The following GSDME variants were observed in gnomAD, a reference collection of about 807,000 sequenced individuals.
The protein encoded by GSDME is gasdermin-E.
A neutral mutation model predicts 47.5 loss-of-function variants in GSDME; 44 were observed. That is an observed-to-expected ratio of 0.93 (90% CI 0.73 to 1.19). GSDME has a LOEUF of 1.19. Ranked by LOEUF, GSDME falls within the 50% of genes most tolerant of loss-of-function variation. GSDME has a pLI of 0.00. For missense variants in GSDME, 663 were observed against 604.2 expected (o/e 1.10, Z -1.02); for synonymous variants, 258 against 252.8 (o/e 1.02, Z -0.20).
the GSDME span, among the ~76,000 whole-genome samples, chr7:24,789,723 T>C: frequency 1.3e-5 from 2 of 152,160 alleles, no homozygotes; most frequent in African/African-American, 4.8e-5. Context: ...CATAAGACAA[T>C]ATGAGGAGTG....
the GSDME span, among the ~76,000 whole-genome samples, chr7:24,793,717 G>A: frequency 6.7e-6 from 1 of 150,152 alleles, no homozygotes; most frequent in African/African-American, 2.5e-5. Context: ...TAAACAACCA[G>A]TTAATTTATT....
chr7:24,727,377 C>A (rs1790002507), intron 3 of GSDME, among the ~76,000 whole-genome samples: 1 of 152,192 alleles, frequency 6.6e-6, no homozygotes, highest in African/African-American at 2.4e-5. Context: ...ACTGCCAGAG[C>A]TGGTTTCAAC....
chr7:24,781,669 T>C, the GSDME span, among the ~76,000 whole-genome samples: 3 of 150,392 alleles, frequency 2.0e-5, no homozygotes, highest in Non-Finnish European at 4.4e-5. Flanking sequence ...ATATTAGAAA[T>C]TCAAACAGAA....
rs1258840353 is a variant in GSDME at position 24,735,057 on chromosome 7, C to G, written c.404+9505G>C. On this transcript the variant is annotated intron_variant, in intron 3 of 9. Coordinates refer to ENST00000645220, the MANE Select transcript of GSDME (RefSeq NM_001127453.2). This position sits in a 1 kb window ranked among gnomAD's most constrained non-coding sequence, Gnocchi z 4.4. ...AAAGGATCCTAAAAGCAGCAAGAAACTAACTGCATACAATGGAGCTCCAAT... is the reference window on the plus strand; with the variant it reads ...AAAGGATCCTAAAAGCAGCAAGAAAGTAACTGCATACAATGGAGCTCCAAT... Among the ~76,000 whole-genome samples the G allele has an allele frequency of 6.6e-6, 1 of 152,132 alleles. No individual in the cohort carries two copies. The highest frequency in any genetic ancestry group is 1.5e-5 in the Non-Finnish European group (1 of 68,012).
At chr7:24,702,706 T>G (rs777838213) in intron 9 of GSDME, 54 bp downstream of exon 9, 1 of 1,477,494 alleles carries the variant, frequency 6.8e-7, no homozygotes, top group African/African-American at 1.4e-5. Context: ...GTCTACCCCC[T>G]CATCATTTCC....
chr7:24,709,024 T>C (rs1007628902), intron 6 of GSDME, among the ~76,000 whole-genome samples: 2 of 152,234 alleles, frequency 1.3e-5, no homozygotes, highest in Non-Finnish European at 2.9e-5. Flanking sequence ...CACTAATACA[T>C]CAATGTACCA....
the GSDME span, among the ~76,000 whole-genome samples, chr7:24,782,714 C>T: frequency 6.6e-6 from 1 of 152,212 alleles, no homozygotes; most frequent in Admixed American, 6.5e-5. Flanking sequence ...TTCTCCACAT[C>T]CTCTCCAGCA....
chr7:24,711,669 G>A (rs937350636), intron 5 of GSDME, among the ~76,000 whole-genome samples: 8 of 152,148 alleles, frequency 5.3e-5, no homozygotes, highest in African/African-American at 1.9e-4. Flanking sequence ...TTTAAAATGA[G>A]CTGGGCATGG....
chr7:24,752,996 T>TC (rs1790904395), intron 1 of GSDME, among the ~76,000 whole-genome samples: 1 of 152,054 alleles, frequency 6.6e-6, no homozygotes, highest in African/African-American at 2.4e-5. Flanking sequence ...TTTCATGTTT[T>TC]TTTTTTTTCC....
At position 24,705,171 on chromosome 7, in the gene GSDME, A is replaced by T. The variant is rs1789042929; in HGVS notation, c.1183+1013T>A. The T allele has an allele frequency of 6.6e-6, 1 of 152,174 alleles. No homozygotes were observed. Among genetic ancestry groups the T allele is most frequent in the Non-Finnish European group, 1.5e-5 (1 of 68,040 alleles). The allele number at this position is 152,174 out of a possible 1,614,324, so 9.4% of individuals were successfully genotyped here. A position where few individuals can be genotyped will look rare whatever the true frequency, so the allele number is the denominator to read the frequency against. On this transcript the variant is annotated intron_variant, in intron 8 of 9. Transcript: ENST00000645220. The surrounding 1 kb of genome is among the most constrained non-coding windows in gnomAD (Gnocchi z 4.1). ...CAAGTCGGAGAACTCTGGCCTGTGT[A>T]TTAGCTCCTGACAGAATGCCTGTTC... is the stretch of plus-strand genomic sequence containing the variant.
Position 24,744,156 on chromosome 7 carries a change from C to CT in GSDME, c.404+405dup. 4.6e-6 allele frequency: 1 copy of CT among 217,316 alleles called. No individual in the cohort carries two copies. The highest frequency in any genetic ancestry group is 9.3e-6 in the Non-Finnish European group (1 of 108,004). 13.5% of individuals were successfully genotyped at this position (217,316 alleles called of 1,614,324 possible). A position where few individuals can be genotyped will look rare whatever the true frequency, so the allele number is the denominator to read the frequency against. ...ACTGAAAAGAGCTCTTATTTTTGAA[C>CT]TTTTTTACGCGCCTCTCACTTGCTT... On this transcript the variant is annotated intron_variant, in intron 3 of 9. Coordinates refer to ENST00000645220, the MANE Select transcript of GSDME (RefSeq NM_001127453.2). The surrounding 1 kb of genome is among the most constrained non-coding windows in gnomAD (Gnocchi z 4.5).
chr7:24,737,880 A>T lies in GSDME; in HGVS notation c.404+6682T>A, dbSNP rs536207598. 2.3e-4 allele frequency among the ~76,000 whole-genome samples: 35 copies of T among 152,338 alleles called. No individual in the cohort carries two copies. The South Asian group carries it at 6.8e-3, about 30-fold the overall frequency. On this transcript the variant is annotated intron_variant, in intron 3 of 9. Transcript: ENST00000645220. ...ACATTATATCAACAAAATGAAGAAC[A>T]AAAACCATTTGATTATTTCAACTGA...
chr7:24,781,407 T>C, the GSDME span, among the ~76,000 whole-genome samples: 2 of 152,304 alleles, frequency 1.3e-5, no homozygotes, highest in South Asian at 2.1e-4. Context: ...ACAGTACTCA[T>C]GGCCGGTGAA....
At chr7:24,747,282 T>A (rs1790697641) in intron 2 of GSDME, among the ~76,000 whole-genome samples, 1 of 152,238 alleles carries the variant, frequency 6.6e-6, no homozygotes, top group Non-Finnish European at 1.5e-5. Context: ...ATCAATTCAT[T>A]TGCCTATTGT....
rs1316673222 is a variant in GSDME at position 24,742,707 on chromosome 7, T to C, written c.404+1855A>G. 6.6e-6 allele frequency among the ~76,000 whole-genome samples: 1 copy of C among 152,082 alleles called. No homozygotes were observed. Among genetic ancestry groups the C allele is most frequent in the Admixed American group, 6.6e-5 (1 of 15,262 alleles). ...CAAAGCGCATCTAAGCTAGAGAGGG[T>C]TGGGTGAGACTGAGGGAGCAGAGAA... On this transcript the variant is annotated intron_variant, in intron 3 of 9. Coordinates refer to ENST00000645220, the MANE Select transcript of GSDME (RefSeq NM_001127453.2). This position sits in a 1 kb window ranked among gnomAD's most constrained non-coding sequence, Gnocchi z 4.4.
the GSDME span, among the ~76,000 whole-genome samples, chr7:24,769,726 C>T: frequency 3.3e-5 from 5 of 152,072 alleles, no homozygotes; most frequent in Admixed American, 2.0e-4. Flanking sequence ...CAAAAAATTG[C>T]GAGGCATGCT....
In GSDME at chr7:24,714,857, G is replaced by A. The variant is rs1277479313; in HGVS notation, c.697+2397C>T. The stretch of plus-strand genomic sequence containing the variant: ...AGGCCTGGGTCCCCGCCACCGAAGG[G>A]TCCGCAGAGCACTCCTGGGCATCCT... On this transcript the variant is annotated intron_variant, in intron 5 of 9. Coordinates refer to ENST00000645220, the MANE Select transcript of GSDME (RefSeq NM_001127453.2). This position sits in a 1 kb window ranked among gnomAD's most constrained non-coding sequence, Gnocchi z 5.0. 6.6e-6 allele frequency among the ~76,000 whole-genome samples: 1 copy of A among 152,160 alleles called. No homozygotes were observed. Among genetic ancestry groups the A allele is most frequent in the Non-Finnish European group, 1.5e-5 (1 of 68,038 alleles).
rs771026695 is a variant in GSDME, at chr7:24,749,642, A to T, written c.133T>A (p.Cys45Ser). ...AACTGGTACTTGGGTCTCTGCCAGC[A>T]CCAGAATCTCTTCTTTTTTGTCACC... Reference protein sequence around the residue: ...SLVTKKKRFWCWQRPKYQFLS... With the variant: ...SLVTKKKRFWSWQRPKYQFLS... Residue 45 changes from cysteine to serine, a missense_variant, in exon 2 of 10, where the codon TGC becomes AGC. Cys to Ser is a moderately radical substitution (Grantham distance 112, BLOSUM62 -1). Transcript: ENST00000645220. 2 of 1,614,134 alleles carry T rather than the reference A, an allele frequency of 1.2e-6. No homozygotes were observed. Among genetic ancestry groups the T allele is most frequent in the Non-Finnish European group, 1.7e-6 (2 of 1,180,028 alleles).
intron 3 of GSDME, among the ~76,000 whole-genome samples, chr7:24,723,970 G>A (rs1789882679): frequency 6.6e-6 from 1 of 152,124 alleles, no homozygotes; most frequent in Non-Finnish European, 1.5e-5. Context: ...CCATTTGACA[G>A]TTCTTCCCCA....
Sources: gnomAD v4.1 joint callset for allele counts (sites outside exome capture counted in the v4.1 genomes callset) on GRCh38, gnomAD v4.1.1 for gene constraint, Gnocchi (gnomAD v3.1) non-coding constraint, MANE v1.5 for transcripts, NCBI Gene and HGNC (gene_info 2026-07-23, HGNC 2026-07-21) for gene names.